MAP4K3: variants seen among roughly 807,000 people sequenced by gnomAD.
MAP4K3 encodes mitogen-activated protein kinase kinase kinase kinase 3, also known as MAPK/ERK kinase kinase kinase 3.
A neutral mutation model predicts 143.5 loss-of-function variants in MAP4K3; 94 were observed. The observed-to-expected ratio is 0.65, with a 90% CI of 0.55 to 0.78. The LOEUF is 0.78. MAP4K3 is among the 30% of genes least tolerant of loss of function. MAP4K3 has a pLI of 0.00. For missense variants in MAP4K3, 1,077 were observed against 1,068.1 expected, an observed-to-expected ratio of 1.01 and a Z score of -0.12; for synonymous variants, 416 against 347.2, an observed-to-expected ratio of 1.20 and a Z score of -2.20.
chr2:39,346,122 T>A (rs1194120457), intron 3 of MAP4K3, among the ~76,000 whole-genome samples: 1 of 152,142 alleles, frequency 6.6e-6, no homozygotes. Context: ...AGTGGCCTGG[T>A]ATTAAGAACT....
At chr2:39,388,803 T>C (rs528085885) in intron 1 of MAP4K3, among the ~76,000 whole-genome samples, 6 of 152,316 alleles carry the variant, frequency 3.9e-5, no homozygotes, top group South Asian at 2.1e-4. Context: ...TGTTTCTGGG[T>C]TGGTGGTAAC....
chr2:39,316,358 T>A (rs1032561152), intron 12 of MAP4K3, among the ~76,000 whole-genome samples: 3 of 152,042 alleles, frequency 2.0e-5, no homozygotes, highest in Non-Finnish European at 4.4e-5. Context: ...CTCTAGCTTG[T>A]CAGGAACAAA....
intron 1 of MAP4K3, among the ~76,000 whole-genome samples, chr2:39,409,833 G>GTAAA (rs1284207137): frequency 6.6e-6 from 1 of 152,156 alleles, no homozygotes; most frequent in Non-Finnish European, 1.5e-5. Flanking sequence ...TATAATAAAT[G>GTAAA]TAAAGACAGA....
chr2:39,290,871 C>A (rs1682013611), intron 18 of MAP4K3, among the ~76,000 whole-genome samples: 1 of 152,060 alleles, frequency 6.6e-6, no homozygotes. Context: ...GAAATCAAGA[C>A]CATCCTACCA....
At chr2:39,364,275 A>G (rs1283749476) in intron 2 of MAP4K3, among the ~76,000 whole-genome samples, 3 of 152,252 alleles carry the variant, frequency 2.0e-5, no homozygotes, top group Non-Finnish European at 2.9e-5. Context: ...TTGCTGTTCA[A>G]TGTGTAAAGA....
At chr2:39,251,557 T>A (rs1340082895) in intron 33 of MAP4K3, among the ~76,000 whole-genome samples, 1 of 152,228 alleles carries the variant, frequency 6.6e-6, no homozygotes, top group East Asian at 1.9e-4. Flanking sequence ...GTTCTGTTCA[T>A]TAACATATGG....
At chr2:39,257,610 C>T (rs1257662245) in intron 31 of MAP4K3, among the ~76,000 whole-genome samples, 1 of 151,712 alleles carries the variant, frequency 6.6e-6, no homozygotes, top group Non-Finnish European at 1.5e-5. Context: ...ACCAGCCTGG[C>T]CAAAGTAGTG....
intron 2 of MAP4K3, among the ~76,000 whole-genome samples, chr2:39,376,035 T>C (rs1448889910): frequency 6.6e-6 from 1 of 152,050 alleles, no homozygotes; most frequent in Non-Finnish European, 1.5e-5. Flanking sequence ...TATAAACATT[T>C]GTGCATGACA....
intron 23 of MAP4K3, among the ~76,000 whole-genome samples, chr2:39,279,897 G>A (rs912017539): frequency 1.3e-5 from 2 of 152,096 alleles, no homozygotes; most frequent in African/African-American, 2.4e-5. Context: ...AGGTTATAGT[G>A]AGCCATGATC....
intron 2 of MAP4K3, among the ~76,000 whole-genome samples, chr2:39,371,359 T>C (rs1035836804): frequency 6.6e-6 from 1 of 152,192 alleles, no homozygotes; most frequent in Non-Finnish European, 1.5e-5. Context: ...TTACGATGGA[T>C]GTGAACACTG....
intron 1 of MAP4K3, among the ~76,000 whole-genome samples, chr2:39,431,748 AC>A (rs1665296206): frequency 1.3e-5 from 2 of 152,218 alleles, no homozygotes; most frequent in Non-Finnish European, 2.9e-5. Context: ...CTAGACACTA[AC>A]AGCAATTAAC....
chr2:39,334,127 C>G (rs1213165993), intron 6 of MAP4K3, among the ~76,000 whole-genome samples: 1 of 151,996 alleles, frequency 6.6e-6, no homozygotes, highest in Non-Finnish European at 1.5e-5. Context: ...TGCTTAGGCC[C>G]ATCCAGTACA....
At chr2:39,260,194 C>A (rs2148439447) in intron 29 of MAP4K3, among the ~76,000 whole-genome samples, 1 of 152,240 alleles carries the variant, frequency 6.6e-6, no homozygotes, top group African/African-American at 2.4e-5. Context: ...GCTCACTGCA[C>A]CCTCGACCTC....
intron 5 of MAP4K3, 42 bp downstream of exon 5, chr2:39,337,484 G>C: frequency 6.8e-7 from 1 of 1,477,532 alleles, no homozygotes; most frequent in Non-Finnish European, 9.5e-7. Flanking sequence ...TAAAGCCTTA[G>C]TTTAATGAAA....
chr2:39,348,878 C>T (rs1355703829), intron 3 of MAP4K3, among the ~76,000 whole-genome samples: 1 of 152,092 alleles, frequency 6.6e-6, no homozygotes, highest in East Asian at 1.9e-4. Flanking sequence ...TTTTAATCTT[C>T]CCACATTTTG....
At position 39,437,186 on chromosome 2, in the gene MAP4K3, G is replaced by GC. The variant is rs1031897387; in HGVS notation, c.-200dup. 1.7e-5 allele frequency: 6 copies of GC among 350,178 alleles called. No homozygotes were observed. The South Asian group carries it at 3.4e-4, about 20-fold the overall frequency. The allele number at this position is 350,178 out of a possible 1,614,324, so 21.7% of individuals were successfully genotyped here. The stretch of plus-strand genomic sequence containing the variant: ...CGACGACAAGCGGCCAATCGTCCCC[G>GC]CCCCCCGCGGCCCGCCGCCGCGCCG... On this transcript the variant is annotated 5_prime_UTR_variant, in exon 1 of 34. Transcript: ENST00000263881.
chr2:39,274,104 G>C (rs886244147), intron 24 of MAP4K3, among the ~76,000 whole-genome samples: 5 of 152,030 alleles, frequency 3.3e-5, no homozygotes, highest in Admixed American at 6.6e-5. Flanking sequence ...CATATATAAA[G>C]TAGCAAGACA....
chr2:39,404,236 C>G (rs749154122), intron 1 of MAP4K3, among the ~76,000 whole-genome samples: 6 of 152,164 alleles, frequency 3.9e-5, no homozygotes, highest in Non-Finnish European at 5.9e-5. Flanking sequence ...ACCTTAGGTA[C>G]CAGCTCAGCC....
intron 24 of MAP4K3, among the ~76,000 whole-genome samples, chr2:39,276,763 T>C (rs530358718): frequency 2.0e-5 from 3 of 152,366 alleles, no homozygotes; most frequent in South Asian, 4.1e-4. Context: ...GGTTGTTTTA[T>C]GTTCCTGACT....
Sources: gnomAD v4.1 joint callset for allele counts (sites outside exome capture counted in the v4.1 genomes callset) on GRCh38, gnomAD v4.1.1 for gene constraint, MANE v1.5 for transcripts, NCBI Gene and HGNC (gene_info 2026-07-23, HGNC 2026-07-21) for gene names.